The following PAM variants were observed in gnomAD, a reference collection of about 807,000 sequenced individuals.
PAM encodes the protein peptidyl-glycine alpha-amidating monooxygenase.
A neutral mutation model predicts 122.1 loss-of-function variants in PAM; 72 were observed. The observed-to-expected ratio is 0.59, with a 90% CI of 0.49 to 0.72. PAM has a LOEUF of 0.72. Ranked by LOEUF, PAM falls within the 30% of genes least tolerant of loss-of-function variation. The pLI, the probability that PAM is intolerant of heterozygous loss-of-function variation, is 0.00. For synonymous variants in PAM, 389 were observed against 404.4 expected (o/e 0.96, Z 0.46); for missense variants, 1,106 against 1,183.7 (o/e 0.93, Z 0.96).
chr5:102,944,538 T>A (rs1309338869), intron 7 of PAM, among the ~76,000 whole-genome samples: 2 of 152,210 alleles, frequency 1.3e-5, no homozygotes, highest in African/African-American at 4.8e-5. Flanking sequence ...ATTGGAAGAA[T>A]AATTTCATGA....
intron 15 of PAM, among the ~76,000 whole-genome samples, chr5:102,980,392 T>A (rs1461304463): frequency 1.3e-5 from 2 of 152,188 alleles, no homozygotes; most frequent in Non-Finnish European, 2.9e-5. Context: ...ATAATTTCTT[T>A]AATAAGGATT....
At chr5:102,821,096 TG>T (rs1325982090) in intron 1 of PAM, among the ~76,000 whole-genome samples, 1 of 152,218 alleles carries the variant, frequency 6.6e-6, no homozygotes, top group Non-Finnish European at 1.5e-5. Flanking sequence ...AGATAAACTC[TG>T]AATTAGATTT....
chr5:102,995,288 C>T (rs956821767), intron 16 of PAM, among the ~76,000 whole-genome samples: 4 of 152,130 alleles, frequency 2.6e-5, no homozygotes, highest in African/African-American at 9.6e-5. Flanking sequence ...CTATCTTTCT[C>T]ATATCGCAAT....
intron 6 of PAM, among the ~76,000 whole-genome samples, chr5:102,926,134 C>A (rs191166578): frequency 6.6e-6 from 1 of 151,812 alleles, no homozygotes; most frequent in African/African-American, 2.4e-5. Context: ...GTCGCCCAGG[C>A]CGGACTGCGG....
At chr5:102,835,755 T>C (rs1052264652) in intron 1 of PAM, among the ~76,000 whole-genome samples, 2 of 152,100 alleles carry the variant, frequency 1.3e-5, no homozygotes, top group African/African-American at 4.8e-5. Flanking sequence ...AATGAAAATA[T>C]TCAAGTTATG....
At chr5:102,962,229 T>C (rs990105862) in intron 14 of PAM, among the ~76,000 whole-genome samples, 1 of 151,884 alleles carries the variant, frequency 6.6e-6, no homozygotes, top group African/African-American at 2.4e-5. Flanking sequence ...TTTTAAATTA[T>C]ACAGCGGATG....
chr5:102,968,525 A>G (rs1164140746), intron 14 of PAM, among the ~76,000 whole-genome samples: 1 of 152,226 alleles, frequency 6.6e-6, no homozygotes, highest in East Asian at 1.9e-4. Context: ...AGCTGCTATT[A>G]TTATTTTCTA....
Position 102,990,410 on chromosome 5 carries a change from T to G in PAM, c.1613+9T>G, listed in dbSNP as rs376258899. 1.2e-5 allele frequency: 19 copies of G among 1,565,680 alleles called. No homozygotes were observed. The highest frequency in any genetic ancestry group is 1.1e-4 in the African/African-American group (8 of 73,506). The stretch of plus-strand genomic sequence containing the variant: ...CATGTCTGGGATGGAAAGTAAGTAA[T>G]ATTTTTTCTTCAATAAGCAAATGAA... On this transcript the variant is annotated intron_variant, in intron 16 of 25. Transcript: ENST00000438793.
rs184031496 is a variant in PAM, at chr5:102,956,847, A to G, written c.906-3028A>G. On this transcript the variant is annotated intron_variant, in intron 12 of 25. Transcript: ENST00000438793. ...TTACCTTTCACTTGTTTGAAATGAA[A>G]TTTTTACTTTTAGTACAATTTTTTT... is the stretch of plus-strand genomic sequence containing the variant. Among the ~76,000 whole-genome samples, 966 of 152,208 alleles carry G rather than the reference A, an allele frequency of 6.3e-3. 9 individuals carry two copies. Among genetic ancestry groups the G allele is most frequent in the African/African-American group, 0.02 (836 of 41,562 alleles).
chr5:102,821,868 T>G (rs1038057473), intron 1 of PAM, among the ~76,000 whole-genome samples: 1 of 152,186 alleles, frequency 6.6e-6, no homozygotes, highest in Non-Finnish European at 1.5e-5. Context: ...ATAAGCAAAT[T>G]TAAGTTTCTG....
chr5:102,758,600 C>A (rs1015711379), intron 1 of PAM, among the ~76,000 whole-genome samples: 1 of 152,180 alleles, frequency 6.6e-6, no homozygotes, highest in African/African-American at 2.4e-5. Flanking sequence ...GGTATCCTGG[C>A]AGAAATTTCA....
At chr5:102,852,404 A>G (rs1781544454) in intron 1 of PAM, among the ~76,000 whole-genome samples, 1 of 152,158 alleles carries the variant, frequency 6.6e-6, no homozygotes, top group Admixed American at 6.5e-5. Flanking sequence ...TGAATAGTTT[A>G]TTTAAAAGAG....
At chr5:102,956,710 T>C (rs1760868111) in intron 12 of PAM, among the ~76,000 whole-genome samples, 1 of 152,074 alleles carries the variant, frequency 6.6e-6, no homozygotes, top group Non-Finnish European at 1.5e-5. Context: ...TTTCTTTTGT[T>C]TTTTGTTACT....
intron 1 of PAM, among the ~76,000 whole-genome samples, chr5:102,816,028 T>G (rs1005093397): frequency 1.3e-5 from 2 of 152,178 alleles, no homozygotes; most frequent in Non-Finnish European, 2.9e-5. Flanking sequence ...GTTTTTAAAC[T>G]TGGGATCTGG....
In PAM at chr5:102,833,670, C is replaced by G. The variant is rs138866406; in HGVS notation, c.-373-32153C>G. Among the ~76,000 whole-genome samples the G allele has an allele frequency of 5.5e-3, 830 of 152,212 alleles. 4 individuals carry two copies. The highest frequency in any genetic ancestry group is 0.018 in the African/African-American group (761 of 41,560). On this transcript the variant is annotated intron_variant, in intron 1 of 25. Coordinates refer to ENST00000438793, the MANE Select transcript of PAM (RefSeq NM_001177306.2). ...GATCTTGTTTGTAAGTTTTTAATTT[C>G]TTAGAAAAAATCAGCATTTTTTAAA...
rs1159924785 is a variant in PAM, at chr5:102,782,226, T to C, written c.-374+26878T>C. Among the ~76,000 whole-genome samples the C allele has an allele frequency of 2.6e-5, 4 of 152,356 alleles. No homozygotes were observed. In the East Asian group the frequency reaches 7.7e-4, roughly 29 times the overall value. On this transcript the variant is annotated intron_variant, in intron 1 of 25. Coordinates refer to ENST00000438793, the MANE Select transcript of PAM (RefSeq NM_001177306.2). ...TTACACCAAAGGTGAATTTGCTCTTTATAGGATATAAGAGCTTCTTTCATC... is the reference window on the plus strand; with the variant it reads ...TTACACCAAAGGTGAATTTGCTCTTCATAGGATATAAGAGCTTCTTTCATC...
chr5:102,768,304 G>A (rs1285608298), intron 1 of PAM, among the ~76,000 whole-genome samples: 1 of 151,830 alleles, frequency 6.6e-6, no homozygotes, highest in Non-Finnish European at 1.5e-5. Context: ...TCACATCAGA[G>A]TAAAATGGGT....
intron 4 of PAM, among the ~76,000 whole-genome samples, chr5:102,907,245 A>G (rs1052572037): frequency 1.5e-4 from 23 of 152,012 alleles, no homozygotes; most frequent in Admixed American, 5.9e-4. Context: ...CTGATTAAAA[A>G]TGTTCCAGGA....
At chr5:102,925,900 G>A (rs888110453) in intron 6 of PAM, among the ~76,000 whole-genome samples, 1 of 152,094 alleles carries the variant, frequency 6.6e-6, no homozygotes, top group African/African-American at 2.4e-5. Flanking sequence ...AAAAATCACT[G>A]AGATAATGGA....
Sources: allele counts gnomAD v4.1 joint callset (sites outside exome capture counted in the v4.1 genomes callset), GRCh38; gene constraint gnomAD v4.1.1; transcripts MANE v1.5; gene names NCBI Gene and HGNC (gene_info 2026-07-23, HGNC 2026-07-21).